Variants in DLG2 observed in about 807,000 individuals in gnomAD.
DLG2 encodes the protein discs large MAGUK scaffold protein 2.
Under a neutral mutation model 132.5 loss-of-function variants are expected in DLG2, and 45 were observed. The observed-to-expected ratio is 0.34, with a 90% CI of 0.27 to 0.44. The LOEUF is 0.44. Among genes scored for constraint, DLG2 ranks in the 20% least tolerant of loss-of-function variants. The probability of loss-of-function intolerance (pLI) is 1.00; values close to 1 mark genes in which losing one functional copy is unlikely to be tolerated. For missense variants in DLG2, 1,045 were observed against 1,196.9 expected, an observed-to-expected ratio of 0.87 and a Z score of 1.87; for synonymous variants, 424 against 419.6, an observed-to-expected ratio of 1.01 and a Z score of -0.13.
chr11:83,657,306 C>G (rs1161364598), intron 18 of DLG2, among the ~76,000 whole-genome samples: 1 of 152,074 alleles, frequency 6.6e-6, no homozygotes, highest in African/African-American at 2.4e-5. Context: ...ACGAGTGAGG[C>G]CTTAACACTG....
intron 2 of DLG2, among the ~76,000 whole-genome samples, chr11:85,624,098 T>C (rs1245389695): frequency 6.6e-6 from 1 of 152,188 alleles, no homozygotes; most frequent in Non-Finnish European, 1.5e-5. Context: ...CAGAAGAGTC[T>C]TCTGTTGATA....
chr11:83,735,834 C>A (rs2091823566), intron 18 of DLG2, among the ~76,000 whole-genome samples: 1 of 152,162 alleles, frequency 6.6e-6, no homozygotes, highest in Non-Finnish European at 1.5e-5. Context: ...GCTTATTTAA[C>A]AGATGAAAAG....
chr11:85,613,663 A>C (rs773342810), intron 2 of DLG2, among the ~76,000 whole-genome samples: 1 of 152,178 alleles, frequency 6.6e-6, no homozygotes, highest in Admixed American at 6.5e-5. Flanking sequence ...ACCAATCAGC[A>C]CTCTGTAGAA....
At chr11:84,576,237 T>C (rs766810899) in intron 6 of DLG2, among the ~76,000 whole-genome samples, 1 of 152,240 alleles carries the variant, frequency 6.6e-6, no homozygotes, top group Non-Finnish European at 1.5e-5. Context: ...GCAGAAATAA[T>C]CTATTTTGTT....
chr11:84,781,107 C>A (rs1221816225), intron 6 of DLG2, among the ~76,000 whole-genome samples: 1 of 145,898 alleles, frequency 6.9e-6, no homozygotes, highest in Non-Finnish European at 1.5e-5. Flanking sequence ...TAAGTAATTT[C>A]AATCTAAGTT....
intron 7 of DLG2, among the ~76,000 whole-genome samples, chr11:84,409,552 A>AC (rs780871633): frequency 3.8e-4 from 58 of 152,234 alleles, no homozygotes; most frequent in Non-Finnish European, 7.6e-4. Context: ...TACCACACTT[A>AC]ATACTTACAA....
intron 19 of DLG2, among the ~76,000 whole-genome samples, chr11:83,587,627 T>A (rs1430375159): frequency 6.6e-6 from 1 of 152,168 alleles, no homozygotes; most frequent in African/African-American, 2.4e-5. Context: ...ACTCTATGTA[T>A]CTATAGAATT....
chr11:85,503,529 A>G (rs905379089), intron 3 of DLG2, among the ~76,000 whole-genome samples: 1 of 152,112 alleles, frequency 6.6e-6, no homozygotes, highest in Non-Finnish European at 1.5e-5. Flanking sequence ...ATTGAACAGT[A>G]GGGTTTTTAA....
chr11:83,962,126 A>G (rs543345976), intron 14 of DLG2, among the ~76,000 whole-genome samples: 7 of 152,064 alleles, frequency 4.6e-5, no homozygotes, highest in African/African-American at 1.7e-4. Context: ...AAAACAACCC[A>G]TCTATCATTC....
chr11:84,020,326 G>C (rs1052550547), intron 11 of DLG2, among the ~76,000 whole-genome samples: 2 of 152,138 alleles, frequency 1.3e-5, no homozygotes, highest in African/African-American at 4.8e-5. Context: ...AATATATATA[G>C]ATATAGATGA....
intron 6 of DLG2, among the ~76,000 whole-genome samples, chr11:84,600,915 T>C (rs1420653653): frequency 1.3e-5 from 2 of 152,160 alleles, no homozygotes; most frequent in African/African-American, 4.8e-5. Flanking sequence ...GTTTAGATAA[T>C]TGCTATAGAA....
At chr11:85,334,023 T>G (rs994362978) in intron 3 of DLG2, among the ~76,000 whole-genome samples, 1 of 152,184 alleles carries the variant, frequency 6.6e-6, no homozygotes, top group Non-Finnish European at 1.5e-5. Flanking sequence ...CTCTGCTTTA[T>G]ACATCTGGTA....
intron 19 of DLG2, among the ~76,000 whole-genome samples, chr11:83,584,028 C>G (rs2097033041): frequency 6.6e-6 from 1 of 152,150 alleles, no homozygotes; most frequent in South Asian, 2.1e-4. Flanking sequence ...AAAGGCCAGG[C>G]TTAGTCTTCT....
chr11:83,997,185 C>T (rs1045534137), intron 11 of DLG2, among the ~76,000 whole-genome samples: 2 of 151,870 alleles, frequency 1.3e-5, no homozygotes, highest in African/African-American at 4.8e-5. Flanking sequence ...AGACTTACTG[C>T]CTTATTTCTG....
chr11:83,850,160 G>GTTT (rs145688257), intron 16 of DLG2, among the ~76,000 whole-genome samples: 3 of 124,304 alleles, frequency 2.4e-5, no homozygotes, highest in Admixed American at 7.9e-5. Flanking sequence ...GTGTGTGTGT[G>GTTT]TTTTTTTACT....
chr11:85,555,724 T>G (rs1355523888), intron 3 of DLG2, among the ~76,000 whole-genome samples: 1 of 151,858 alleles, frequency 6.6e-6, no homozygotes. Context: ...ATGGAGTAAC[T>G]CCAAGAGATT....
chr11:85,330,792 T>TAAAAAAAAAAAAAA (rs56995757), intron 3 of DLG2, among the ~76,000 whole-genome samples: 9 of 116,488 alleles, frequency 7.7e-5, no homozygotes, highest in South Asian at 2.7e-4. Flanking sequence ...AAAAAAAAAT[T>TAAAAAAAAAAAAAA]AAAAAAAAAA....
chr11:83,961,901 C>A (rs1333971712), intron 14 of DLG2, among the ~76,000 whole-genome samples: 3 of 151,978 alleles, frequency 2.0e-5, no homozygotes, highest in African/African-American at 7.2e-5. Context: ...TCTAAACATT[C>A]CATTCCTTGG....
chr11:85,344,059 A>T (rs2082674481), intron 3 of DLG2, among the ~76,000 whole-genome samples: 1 of 152,144 alleles, frequency 6.6e-6, no homozygotes, highest in South Asian at 2.1e-4. Flanking sequence ...AAGCACCCAA[A>T]ATAATCATCT....
Sources: gnomAD v4.1 joint callset for allele counts (sites outside exome capture counted in the v4.1 genomes callset) on GRCh38, gnomAD v4.1.1 for gene constraint, MANE v1.5 for transcripts, NCBI Gene and HGNC (gene_info 2026-07-23, HGNC 2026-07-21) for gene names.